The following RPL7 variants were observed in gnomAD, a reference collection of about 807,000 sequenced individuals.
RPL7 encodes ribosomal protein L7.
For missense variants in RPL7, 205 were observed against 301.9 expected (o/e 0.68, Z 2.38); for synonymous variants, 100 against 102.2 (o/e 0.98, Z 0.13).
At position 73,291,111 on chromosome 8, in the gene RPL7, A is replaced by C. The variant is rs1814085037; in HGVS notation, c.680T>G (p.Phe227Cys). ...GTTGCCAGCATCTCCACCTTCTACAAAATGGGTGGTCTTTTTCTTCATTCC... is the reference window on the plus strand; with the variant it reads ...GTTGCCAGCATCTCCACCTTCTACACAATGGGTGGTCTTTTTCTTCATTCC... The part of the protein sequence containing the change: ...RGGMKKKTTH[F>C]VEGGDAGNRE... The change falls in exon 6 of 7, where the codon TTT becomes TGT. Residue 227 changes from phenylalanine to cysteine, a missense_variant. Transcript: ENST00000352983. The C allele has an allele frequency of 6.2e-7, 1 of 1,607,620 alleles. No homozygotes were observed. Among genetic ancestry groups the C allele is most frequent in the Non-Finnish European group, 8.5e-7 (1 of 1,175,332 alleles).
rs981130897 is a variant in RPL7, at chr8:73,293,228, T to C, written c.14+371A>G. 32 of 250,608 alleles carry C rather than the reference T, an allele frequency of 1.3e-4. 1 individual carries two copies. The highest frequency in any genetic ancestry group is 7.4e-4 in the African/African-American group (32 of 43,098). The allele number at this position is 250,608 out of a possible 1,614,324, so 15.5% of individuals were successfully genotyped here. A position where few individuals can be genotyped will look rare whatever the true frequency, so the allele number is the denominator to read the frequency against. On this transcript the variant is annotated intron_variant, in intron 1 of 6. Coordinates refer to ENST00000352983, the MANE Select transcript of RPL7 (RefSeq NM_000971.4). ...CACCACCACTCTGGTTCAATCAGGA[T>C]CCACATGTTGAAAGCAAAGGCCTGG...
upstream of RPL7, chr8:73,293,694 G>A: frequency 1.2e-5 from 19 of 1,556,286 alleles, no homozygotes; most frequent in Non-Finnish European, 1.6e-5. Context: ...ACGACTCATA[G>A]GTGTCTTAGA....
intron 1 of RPL7, chr8:73,293,228 T>G: frequency 4.0e-6 from 1 of 250,622 alleles, no homozygotes; most frequent in Non-Finnish European, 7.5e-6. Context: ...TCAATCAGGA[T>G]CCACATGTTG....
In RPL7 at chr8:73,291,173, G is replaced by A. The variant is rs370118487; in HGVS notation, c.618C>T (p.Asn206=). 21 of 1,607,114 alleles carry A rather than the reference G, an allele frequency of 1.3e-5. No individual in the cohort carries two copies. The African/African-American group carries it at 2.5e-4, about 19-fold the overall frequency. ...TVGKRFKEAN[N]FLWPFKLSSP... ...AAGACAATTTGAAGGGCCACAGGAA[G>A]TTATTTGCCTCTTTGAAGCGTTTTC... Residue 206 remains asparagine, a synonymous_variant, in exon 6 of 7, where the codon AAC becomes AAT. Coordinates refer to ENST00000352983, the MANE Select transcript of RPL7 (RefSeq NM_000971.4).
In RPL7 at chr8:73,293,606, C is replaced by G. The variant is rs144881278; in HGVS notation, c.7G>C (p.Gly3Arg). 123 of 1,613,926 alleles carry G rather than the reference C, an allele frequency of 7.6e-5. No homozygotes were observed. In the African/African-American group the frequency reaches 1.5e-3, roughly 20 times the overall value. Reference protein sequence around the residue: MEGVEEKKKEVPA... With the variant: MERVEEKKKEVPA... ...GGACCAGAAGCAACTCACTCTACAC[C>G]CTCCATGGTTCCAGCCGGAAAAAGA... Residue 3 changes from glycine to arginine, a missense_variant, in exon 1 of 7, where the codon GGT becomes CGT. Coordinates refer to ENST00000352983, the MANE Select transcript of RPL7 (RefSeq NM_000971.4).
chr8:73,291,296 G>A (rs781525932), intron 5 of RPL7, 44 bp from the exon 6 acceptor site: 5 of 1,486,352 alleles, frequency 3.4e-6, no homozygotes, highest in Non-Finnish European at 4.6e-6. Context: ...GTTGCAAAAA[G>A]TTTTGAAATA....
At chr8:73,293,688 C>T (rs918644824), upstream of RPL7, 20 of 1,569,296 alleles carry the variant, frequency 1.3e-5, no homozygotes, top group Middle Eastern at 5.0e-4. Context: ...AGCCCCACGA[C>T]TCATAGGTGT....
In RPL7 at chr8:73,293,578, A is replaced by G. The variant is rs1284171274; in HGVS notation, c.14+21T>C. ...CTCTGGAGATGGAGAAGGATTCTCA[A>G]GAGGACCAGAAGCAACTCACTCTAC... On this transcript the variant is annotated intron_variant, in intron 1 of 6. Coordinates refer to ENST00000352983, the MANE Select transcript of RPL7 (RefSeq NM_000971.4). The G allele has an allele frequency of 1.9e-6, 3 of 1,613,798 alleles. No homozygotes were observed. In the Admixed American group the frequency reaches 5.0e-5, roughly 27 times the overall value.
intron 1 of RPL7, chr8:73,293,388 A>G (rs989098015): frequency 8.0e-5 from 45 of 565,974 alleles, no homozygotes; most frequent in African/African-American, 7.9e-4. Context: ...CCAACCCGAC[A>G]TCTCGTTCCC....
rs1004121492 is a variant in RPL7 at position 73,290,542 on chromosome 8, T to A, written c.*165A>T. The A allele has an allele frequency of 6.5e-6, 1 of 153,120 alleles. No homozygotes were observed. The highest frequency in any genetic ancestry group is 2.4e-5 in the African/African-American group (1 of 41,452). The allele number at this position is 153,120 out of a possible 1,614,324, so 9.5% of individuals were successfully genotyped here. A position where few individuals can be genotyped will look rare whatever the true frequency, so the allele number is the denominator to read the frequency against. On this transcript the variant is annotated 3_prime_UTR_variant, in exon 7 of 7. Transcript: ENST00000352983. ...ATTTTGCACGAAATGGGCTGTTGATTTGGCTTAATTTTATCACACACCACA... is the reference window on the plus strand; with the variant it reads ...ATTTTGCACGAAATGGGCTGTTGATATGGCTTAATTTTATCACACACCACA...
In RPL7 at chr8:73,290,920, C is replaced by A. The variant is rs981150638; in HGVS notation, c.*1+123G>T. 4.1e-6 allele frequency: 3 copies of A among 734,224 alleles called. No individual in the cohort carries two copies. The African/African-American group carries it at 5.3e-5, about 13-fold the overall frequency. The allele number at this position is 734,224 out of a possible 1,614,324, so 45.5% of individuals were successfully genotyped here. On this transcript the variant is annotated intron_variant, in intron 6 of 6. Transcript: ENST00000352983. ...TAATCATTAAGATAGTTGACCCCCACTCCCCACAAAAGCACTGATTAAAAT... is the reference window on the plus strand; with the variant it reads ...TAATCATTAAGATAGTTGACCCCCAATCCCCACAAAAGCACTGATTAAAAT...
Position 73,292,309 on chromosome 8 carries a change from T to C in RPL7, c.220A>G (p.Met74Val), listed in dbSNP as rs745857989. ...MYRTEIRMAR[M>V]ARKAGNFYVP... ...TAGAAGTTGCCAGCTTTTCTTGCCA[T>C]CCTCGCCATTCGAATTTCAGTTCTG... Residue 74 changes from methionine to valine, a missense_variant, in exon 3 of 7, where the codon ATG (methionine) becomes GTG (valine). By Grantham distance (21) the Met-to-Val change is conservative (BLOSUM62 1). Transcript: ENST00000352983. 3 of 1,610,696 alleles carry C rather than the reference T, an allele frequency of 1.9e-6. No individual in the cohort carries two copies. Among genetic ancestry groups the C allele is most frequent in the Non-Finnish European group, 2.5e-6 (3 of 1,179,148 alleles).
rs1335008715 is a variant in RPL7 at position 73,290,586 on chromosome 8, G to A, written c.*121C>T. On this transcript the variant is annotated 3_prime_UTR_variant, in exon 7 of 7. Transcript: ENST00000352983. Reference sequence around the variant, plus strand: ...CACCACACTTGCCACAGTAGTTAAGGGAAGACAGAGGCAGGCTAACAACAA... The same window carrying A: ...CACCACACTTGCCACAGTAGTTAAGAGAAGACAGAGGCAGGCTAACAACAA... The A allele has an allele frequency of 6.4e-6, 1 of 155,826 alleles. No individual in the cohort carries two copies. The highest frequency in any genetic ancestry group is 2.4e-5 in the African/African-American group (1 of 41,428). The allele number at this position is 155,826 out of a possible 1,614,324, so 9.7% of individuals were successfully genotyped here.
intron 6 of RPL7, 35 bp downstream of exon 6, chr8:73,291,008 A>G: frequency 6.6e-7 from 1 of 1,506,498 alleles, no homozygotes; most frequent in Non-Finnish European, 9.2e-7. Flanking sequence ...ATACTCTAAC[A>G]TTAACTCAAC....
chr8:73,291,309 T>C, intron 5 of RPL7, 57 bp from the exon 6 acceptor site: 2 of 1,403,308 alleles, frequency 1.4e-6, no homozygotes, highest in Non-Finnish European at 2.0e-6. Context: ...TTGAAATAAT[T>C]ATTCAAAATC....
chr8:73,292,970 A>G, intron 1 of RPL7, 173 bp from the exon 2 acceptor site: 1 of 490,072 alleles, frequency 2.0e-6, no homozygotes, highest in East Asian at 3.1e-5. Context: ...CTCCATGTCA[A>G]TAACCTTTAA....
rs139088283 is a variant in RPL7, at chr8:73,292,791, C to T, written c.21G>A (p.Lys7=). The change falls in exon 2 of 7, where the codon AAG becomes AAA. Residue 7 remains lysine (K), a synonymous_variant. Transcript: ENST00000352983. MEGVEE[K]KKEVPAVPET... The stretch of plus-strand genomic sequence containing the variant: ...CTGGCACAGCAGGAACCTCCTTCTT[C>T]TTCTCTCTAACGTTAATAAACAAAA... 1.5e-5 allele frequency: 24 copies of T among 1,608,912 alleles called. No homozygotes were observed. The African/African-American group carries it at 2.8e-4, about 19-fold the overall frequency.
chr8:73,291,717 C>T (rs1814101101), intron 4 of RPL7, 56 bp from the exon 5 acceptor site: 1 of 1,590,062 alleles, frequency 6.3e-7, no homozygotes, highest in Admixed American at 1.7e-5. Flanking sequence ...ATCTAAAATT[C>T]ATGTTGCTAC....
At chr8:73,293,474 C>T in intron 1 of RPL7, 125 bp downstream of exon 1, 1 of 1,195,516 alleles carries the variant, frequency 8.4e-7, no homozygotes, top group South Asian at 1.3e-5. Context: ...TGTCACACAG[C>T]GTTCACAATC....
Sources: allele counts gnomAD v4.1 joint callset, GRCh38; gene constraint gnomAD v4.1.1; transcripts MANE v1.5; gene names NCBI Gene and HGNC (gene_info 2026-07-23, HGNC 2026-07-21).